The following TNKS variants were observed in gnomAD, a reference collection of about 807,000 sequenced individuals.
TNKS encodes poly [ADP-ribose] polymerase tankyrase-1.
TNKS carries 72 observed loss-of-function variants against 135.8 expected under a neutral mutation model. That is an observed-to-expected ratio of 0.53 (90% CI 0.44 to 0.64). TNKS has a LOEUF of 0.64. TNKS is among the 30% of genes least tolerant of loss of function. The pLI is 0.00. For missense variants in TNKS, 1,769 were observed against 1,674.0 expected (o/e 1.06, Z -0.99); for synonymous variants, 849 against 649.3 (o/e 1.31, Z -4.68).
intron 2 of TNKS, among the ~76,000 whole-genome samples, chr8:9,608,336 G>C (rs1051170491): frequency 6.6e-6 from 1 of 152,076 alleles, no homozygotes. Flanking sequence ...CATAAAAATA[G>C]TTTTGACTTT....
chr8:9,577,264 A>AT (rs1563396757), intron 1 of TNKS, among the ~76,000 whole-genome samples: 1 of 152,164 alleles, frequency 6.6e-6, no homozygotes. Flanking sequence ...ACTTTGAGGC[A>AT]TTTATCTTAA....
At chr8:9,599,885 C>T (rs1403400955) in intron 2 of TNKS, among the ~76,000 whole-genome samples, 1 of 152,086 alleles carries the variant, frequency 6.6e-6, no homozygotes, top group East Asian at 1.9e-4. Flanking sequence ...TGTAAAATTT[C>T]ATGCCAGAGT....
intron 17 of TNKS, among the ~76,000 whole-genome samples, chr8:9,739,252 A>G (rs1359635704): frequency 1.3e-5 from 1 of 75,436 alleles, no homozygotes; most frequent in Admixed American, 1.6e-4. Flanking sequence ...AAGGACATGA[A>G]CAGACACTTC....
intron 9 of TNKS, 133 bp downstream of exon 9, chr8:9,708,625 G>A (rs1283788173): frequency 9.9e-7 from 1 of 1,014,752 alleles, no homozygotes. Context: ...AATTTTGGTT[G>A]CATTGATTTT....
At chr8:9,772,454 C>CT (rs768721062) in intron 26 of TNKS, 19 of 453,012 alleles carry the variant, frequency 4.2e-5, no homozygotes, top group East Asian at 4.2e-4. Context: ...GAATGTTTTA[C>CT]TTTTTTTAAT....
At chr8:9,763,365 T>G in intron 22 of TNKS, 121 bp downstream of exon 22, 1 of 503,516 alleles carries the variant, frequency 2.0e-6, no homozygotes, top group African/African-American at 2.0e-5. Flanking sequence ...CAGTCTGTCT[T>G]AGCCACTGTG....
intron 1 of TNKS, chr8:9,566,208 C>G (rs1338775621): frequency 6.6e-6 from 1 of 152,254 alleles, no homozygotes; most frequent in South Asian, 2.1e-4. Flanking sequence ...TACATCTTAG[C>G]TATTTTTTTC....
chr8:9,579,352 C>G lies in TNKS; in HGVS notation c.674-807C>G, dbSNP rs1193111309. Among the ~76,000 whole-genome samples the G allele has an allele frequency of 3.3e-5, 5 of 152,180 alleles. No individual in the cohort carries two copies. The East Asian group carries it at 9.6e-4, about 29-fold the overall frequency. ...TCTTCCTTTTCAAAATTCCCTTTGA[C>G]CAAGCGTTCACCATGTGTTTCTCAT... is the stretch of plus-strand genomic sequence containing the variant. On this transcript the variant is annotated intron_variant, in intron 1 of 26. Coordinates refer to ENST00000310430, the MANE Select transcript of TNKS (RefSeq NM_003747.3).
intron 11 of TNKS, among the ~76,000 whole-genome samples, chr8:9,713,156 G>C (rs1448527896): frequency 6.6e-6 from 1 of 152,150 alleles, no homozygotes; most frequent in East Asian, 1.9e-4. Context: ...AAAGGGAACA[G>C]AGTTCTACAG....
chr8:9,583,390 C>G (rs1798245283), intron 2 of TNKS, among the ~76,000 whole-genome samples: 1 of 152,142 alleles, frequency 6.6e-6, no homozygotes, highest in African/African-American at 2.4e-5. Flanking sequence ...GAAATCAATA[C>G]ATTTTCTGCC....
At chr8:9,706,159 G>A (rs2128807791) in intron 6 of TNKS, 28 bp from the exon 7 acceptor site, 1 of 1,519,206 alleles carries the variant, frequency 6.6e-7, no homozygotes, top group East Asian at 2.4e-5. Context: ...TGAAATTTAA[G>A]TATTTTAATT....
chr8:9,766,559 T>A, intron 25 of TNKS, 134 bp downstream of exon 25: 1 of 717,076 alleles, frequency 1.4e-6, no homozygotes, highest in Non-Finnish European at 2.0e-6. Flanking sequence ...CGATCCTGGC[T>A]CACGCAACCT....
chr8:9,614,940 T>C (rs1315182212), intron 2 of TNKS, among the ~76,000 whole-genome samples: 1 of 152,192 alleles, frequency 6.6e-6, no homozygotes, highest in African/African-American at 2.4e-5. Flanking sequence ...CATTCGTGCC[T>C]TAGGATATAT....
chr8:9,638,102 G>A (rs901056557), intron 3 of TNKS, among the ~76,000 whole-genome samples: 1 of 152,086 alleles, frequency 6.6e-6, no homozygotes, highest in Non-Finnish European at 1.5e-5. Context: ...CCAAACCCAA[G>A]TAGCTAAGAC....
chr8:9,611,105 C>T (rs777059829), intron 2 of TNKS, among the ~76,000 whole-genome samples: 5 of 152,068 alleles, frequency 3.3e-5, no homozygotes, highest in African/African-American at 1.2e-4. Context: ...ATTTTGTGAC[C>T]CTACCTTAAT....
At position 9,706,173 on chromosome 8, in the gene TNKS, C is replaced by T. The variant is rs1804034443; in HGVS notation, c.1203-14C>T. 1 of 1,551,576 alleles carries T rather than the reference C, an allele frequency of 6.4e-7. No homozygotes were observed. The highest frequency in any genetic ancestry group is 8.7e-7 in the Non-Finnish European group (1 of 1,155,070). ...TTGAAATTTAAGTATTTTAATTTGC[C>T]TCTTTTCATTTAGTGGACTTGTGCC... On this transcript the variant is annotated splice_polypyrimidine_tract_variant and intron_variant, in intron 6 of 26. Coordinates refer to ENST00000310430, the MANE Select transcript of TNKS (RefSeq NM_003747.3).
intron 2 of TNKS, among the ~76,000 whole-genome samples, chr8:9,605,182 C>T (rs1217614271): frequency 6.6e-6 from 1 of 151,998 alleles, no homozygotes; most frequent in Non-Finnish European, 1.5e-5. Flanking sequence ...GTCAATTTTT[C>T]TTCTTGTCAG....
intron 3 of TNKS, among the ~76,000 whole-genome samples, chr8:9,657,167 G>C (rs1585286930): frequency 7.2e-6 from 1 of 138,096 alleles, no homozygotes; most frequent in African/African-American, 2.7e-5. Context: ...TGGCCGGGCA[G>C]AGGGGCTCCT....
At chr8:9,624,933 G>GTAT (rs1397596233) in intron 3 of TNKS, among the ~76,000 whole-genome samples, 3 of 152,058 alleles carry the variant, frequency 2.0e-5, no homozygotes, top group Non-Finnish European at 2.9e-5. Flanking sequence ...TATTTTATTT[G>GTAT]TATTATTATT....
Sources: allele counts gnomAD v4.1 joint callset (sites outside exome capture counted in the v4.1 genomes callset), GRCh38; gene constraint gnomAD v4.1.1; transcripts MANE v1.5; gene names NCBI Gene and HGNC (gene_info 2026-07-23, HGNC 2026-07-21).